FILIP1L: variants seen among roughly 807,000 people sequenced by gnomAD.
FILIP1L encodes the protein filamin A interacting protein 1 like.
In FILIP1L, 55 loss-of-function variants were observed where a neutral mutation model predicts 96.6. That is an observed-to-expected ratio of 0.57 (90% CI 0.46 to 0.71). The LOEUF is 0.71. Ranked by LOEUF, FILIP1L falls within the 30% of genes least tolerant of loss-of-function variation. The pLI is 0.00. For synonymous variants in FILIP1L, 467 were observed against 473.9 expected, an observed-to-expected ratio of 0.99 and a Z score of 0.19; for missense variants, 1,304 against 1,321.2, an observed-to-expected ratio of 0.99 and a Z score of 0.20.
At chr3:99,875,986 A>G (rs902825221) in intron 4 of FILIP1L, 1 of 892,296 alleles carries the variant, frequency 1.1e-6, no homozygotes, top group Non-Finnish European at 1.3e-6. Context: ...ATGCTGAGAC[A>G]GCTTTAACAG....
intron 1 of FILIP1L, among the ~76,000 whole-genome samples, chr3:100,113,669 T>C (rs2066527138): frequency 6.6e-6 from 1 of 152,232 alleles, no homozygotes; most frequent in Non-Finnish European, 1.5e-5. Flanking sequence ...TGACACTGTA[T>C]ATTGATCATT....
chr3:99,932,909 C>T (rs1377755884), intron 1 of FILIP1L, among the ~76,000 whole-genome samples: 1 of 152,092 alleles, frequency 6.6e-6, no homozygotes, highest in African/African-American at 2.4e-5. Flanking sequence ...AGGACATTCA[C>T]CCTCTTCAGG....
intron 1 of FILIP1L, among the ~76,000 whole-genome samples, chr3:100,001,599 G>C (rs538941528): frequency 6.6e-6 from 1 of 152,172 alleles, no homozygotes; most frequent in African/African-American, 2.4e-5. Flanking sequence ...ACAGGGTGGG[G>C]AGGGAGTGGG....
intron 1 of FILIP1L, among the ~76,000 whole-genome samples, chr3:99,955,175 G>GT (rs1278385014): frequency 6.6e-6 from 1 of 152,186 alleles, no homozygotes; most frequent in Non-Finnish European, 1.5e-5. Context: ...ATGGGGTGCT[G>GT]TTTTTTCTAT....
At chr3:100,083,741 G>A (rs530688085) in intron 1 of FILIP1L, among the ~76,000 whole-genome samples, 66 of 151,972 alleles carry the variant, frequency 4.3e-4, no homozygotes, top group African/African-American at 1.5e-3. Context: ...CCATTTCTTT[G>A]TTTGTTTGTT....
intron 1 of FILIP1L, among the ~76,000 whole-genome samples, chr3:100,012,309 A>G (rs189358105): frequency 5.5e-4 from 84 of 152,334 alleles, no homozygotes; most frequent in Non-Finnish European, 1.0e-3. Flanking sequence ...TGAGATGTAT[A>G]AAAATAATTT....
chr3:99,888,119 A>T (rs1175050991), intron 4 of FILIP1L, among the ~76,000 whole-genome samples: 2 of 152,214 alleles, frequency 1.3e-5, no homozygotes, highest in Non-Finnish European at 2.9e-5. Context: ...CTATTGAAAA[A>T]TTTTAAATGT....
At chr3:99,961,832 T>C (rs567178282) in intron 1 of FILIP1L, among the ~76,000 whole-genome samples, 10 of 152,310 alleles carry the variant, frequency 6.6e-5, no homozygotes, top group African/African-American at 2.4e-4. Flanking sequence ...TATTTTCTTA[T>C]GTCATAGTTC....
At chr3:99,985,560 A>G (rs879392457) in intron 1 of FILIP1L, among the ~76,000 whole-genome samples, 5 of 151,940 alleles carry the variant, frequency 3.3e-5, no homozygotes, top group East Asian at 1.9e-4. Flanking sequence ...TTTCTCTTCA[A>G]TCTTGTGAAT....
chr3:99,865,052 T>C (rs1369115206), intron 4 of FILIP1L, among the ~76,000 whole-genome samples: 3 of 152,172 alleles, frequency 2.0e-5, no homozygotes, highest in Admixed American at 6.5e-5. Context: ...ATTTTTGAAA[T>C]AGGTACCATA....
intron 5 of FILIP1L, chr3:99,847,814 G>T: frequency 3.0e-6 from 1 of 334,750 alleles, no homozygotes; most frequent in Non-Finnish European, 4.3e-6. Flanking sequence ...TGGGACATAG[G>T]TCCTGTTTGT....
chr3:100,063,562 G>A (rs1322015957), intron 1 of FILIP1L, among the ~76,000 whole-genome samples: 1 of 152,060 alleles, frequency 6.6e-6, no homozygotes, highest in Non-Finnish European at 1.5e-5. Flanking sequence ...TGCATAATTA[G>A]CAACTAATGT....
chr3:100,091,477 T>G (rs1262409420), intron 1 of FILIP1L, among the ~76,000 whole-genome samples: 2 of 152,150 alleles, frequency 1.3e-5, no homozygotes, highest in African/African-American at 4.8e-5. Context: ...GAGCAGCCAG[T>G]TTTAAAGATG....
intron 1 of FILIP1L, among the ~76,000 whole-genome samples, chr3:100,113,369 C>T (rs1347781482): frequency 1.3e-5 from 2 of 152,112 alleles, no homozygotes; most frequent in Non-Finnish European, 1.5e-5. Flanking sequence ...TGTGATGTGC[C>T]CATGGATATC....
chr3:100,068,623 GT>G (rs893727737), intron 1 of FILIP1L, among the ~76,000 whole-genome samples: 3 of 152,032 alleles, frequency 2.0e-5, no homozygotes, highest in African/African-American at 7.2e-5. Flanking sequence ...TGAAACAATA[GT>G]TTTTTTGTTT....
chr3:99,912,631 G>A (rs971826604), intron 4 of FILIP1L, among the ~76,000 whole-genome samples: 1 of 152,130 alleles, frequency 6.6e-6, no homozygotes, highest in East Asian at 1.9e-4. Context: ...ACCTGCCTCA[G>A]CCTCCCAAAG....
chr3:99,924,558 G>T (rs1215919771), intron 3 of FILIP1L, 150 bp from the exon 4 acceptor site: 1 of 775,644 alleles, frequency 1.3e-6, no homozygotes, highest in Non-Finnish European at 2.1e-6. Context: ...CGCTGTCGTT[G>T]CCCAGGCTGG....
chr3:99,935,990 A>G (rs1477439352), intron 1 of FILIP1L, among the ~76,000 whole-genome samples: 2 of 152,324 alleles, frequency 1.3e-5, no homozygotes, highest in South Asian at 2.1e-4. Flanking sequence ...ATTACTTATT[A>G]TAAAATTTAA....
chr3:100,008,659 A>G (rs976955216), intron 1 of FILIP1L, among the ~76,000 whole-genome samples: 4 of 152,230 alleles, frequency 2.6e-5, no homozygotes, highest in African/African-American at 2.4e-5. Flanking sequence ...TTATAAGTCT[A>G]TTGCACAGCA....
Sources: allele counts gnomAD v4.1 joint callset (sites outside exome capture counted in the v4.1 genomes callset), GRCh38; gene constraint gnomAD v4.1.1; transcripts MANE v1.5; gene names NCBI Gene and HGNC (gene_info 2026-07-23, HGNC 2026-07-21).